Variants in PCDHGB6 observed in about 807,000 individuals in gnomAD.
PCDHGB6 encodes the protein protocadherin gamma subfamily B, 6, also known as protocadherin gamma-B6.
PCDHGB6 carries 51 observed loss-of-function variants against 59.1 expected under a neutral mutation model. The observed-to-expected ratio is 0.86, with a 90% CI of 0.69 to 1.09. The LOEUF is 1.09. Among genes scored for constraint, PCDHGB6 ranks in the 50% least tolerant of loss-of-function variants. The probability of loss-of-function intolerance (pLI) is 0.00; values close to 1 mark genes in which losing one functional copy is unlikely to be tolerated. For synonymous variants in PCDHGB6, 466 were observed against 495.1 expected (o/e 0.94, Z 0.78); for missense variants, 1,148 against 1,205.1 (o/e 0.95, Z 0.70).
In PCDHGB6 at chr5:141,490,453, T is replaced by C; in HGVS notation, c.2419-4354T>C. 6.2e-7 allele frequency: 1 copy of C among 1,614,178 alleles called. No homozygotes were observed. Among genetic ancestry groups the C allele is most frequent in the Non-Finnish European group, 8.5e-7 (1 of 1,180,042 alleles). ...GATTAAGCCTTCTGAGAACCACTAC[T>C]CGCTGCTAACCAGCCAGCCTTTGGA... On this transcript the variant is annotated intron_variant, in intron 1 of 3. Coordinates refer to ENST00000520790, the MANE Select transcript of PCDHGB6 (RefSeq NM_018926.3). This position sits in a 1 kb window ranked among gnomAD's most constrained non-coding sequence, Gnocchi z 5.4.
rs761667108 is a variant in PCDHGB6, at chr5:141,410,127, T to A, written c.1925T>A (p.Leu642Gln). 6 of 1,612,926 alleles carry A rather than the reference T, an allele frequency of 3.7e-6. No homozygotes were observed. Among genetic ancestry groups the A allele is most frequent in the Non-Finnish European group, 5.1e-6 (6 of 1,179,688 alleles). Residue 642 changes from leucine to glutamine, a missense_variant, in exon 1 of 4, where the codon CTG becomes CAG. By Grantham distance (113) the Leu-to-Gln change is moderately radical. This residue lies in a region of PCDHGB6 where 549 missense variants were observed against 527.5 expected (regional missense o/e 1.04). Coordinates refer to ENST00000520790, the MANE Select transcript of PCDHGB6 (RefSeq NM_018926.3). ...GACAGGGACGCAGCCCGCCAGCGCC[T>A]GCTGGTCGCTGTGCGTGACGGTGGA... ...LGDRDAARQR[L>Q]LVAVRDGGQP... is the part of the protein sequence containing the mutation.
intron 3 of PCDHGB6, among the ~76,000 whole-genome samples, chr5:141,508,841 C>A (rs969875150): frequency 6.6e-6 from 1 of 152,140 alleles, no homozygotes; most frequent in East Asian, 1.9e-4. Context: ...TCCCCTACCC[C>A]TTCCATTCCC....
chr5:141,490,417 C>A lies in PCDHGB6; in HGVS notation c.2419-4390C>A, dbSNP rs767996336. ...AGTGAGCCTTGATATCTCTCCGGAC[C>A]TGCCATTTCAGATTAAGCCTTCTGA... On this transcript the variant is annotated intron_variant, in intron 1 of 3. Transcript: ENST00000520790. The surrounding 1 kb of genome is among the most constrained non-coding windows in gnomAD (Gnocchi z 5.4). 4.3e-6 allele frequency: 7 copies of A among 1,614,196 alleles called. No homozygotes were observed. In the South Asian group the frequency reaches 7.7e-5, roughly 18 times the overall value.
rs1224625072 is a variant in PCDHGB6 at position 141,490,972 on chromosome 5, C to A, written c.2419-3835C>A. On this transcript the variant is annotated intron_variant, in intron 1 of 3. Transcript: ENST00000520790. The surrounding 1 kb of genome is among the most constrained non-coding windows in gnomAD (Gnocchi z 5.4). ...AGACTGGGAACACTCAGCCCCCCAG[C>A]GTCTCCCTCGCTCTGCTCCTCCTGG... is the stretch of plus-strand genomic sequence containing the variant. 2 of 1,613,912 alleles carry A rather than the reference C, an allele frequency of 1.2e-6. No individual in the cohort carries two copies. Among genetic ancestry groups the A allele is most frequent in the Non-Finnish European group, 1.7e-6 (2 of 1,179,922 alleles).
At chr5:141,419,419 C>T (rs767018815) in intron 1 of PCDHGB6, 1 of 1,613,266 alleles carries the variant, frequency 6.2e-7, no homozygotes, top group Non-Finnish European at 8.5e-7. Flanking sequence ...AGCGCGCCTT[C>T]GACCACGAGC....
At chr5:141,473,343 T>G (rs1309426537) in intron 1 of PCDHGB6, among the ~76,000 whole-genome samples, 1 of 152,218 alleles carries the variant, frequency 6.6e-6, no homozygotes, top group African/African-American at 2.4e-5. Context: ...TGCTAGACAG[T>G]GAGGATGCAA....
chr5:141,450,479 G>GTTTT (rs1165567597), intron 1 of PCDHGB6, among the ~76,000 whole-genome samples: 124 of 152,020 alleles, frequency 8.2e-4, no homozygotes, highest in African/African-American at 2.9e-3. Flanking sequence ...GAGTTTGTTT[G>GTTTT]TTTGTTTGTC....
At chr5:141,414,897 C>A (rs2095799678) in intron 1 of PCDHGB6, 7 of 1,614,230 alleles carry the variant, frequency 4.3e-6, no homozygotes, top group Non-Finnish European at 5.9e-6. Flanking sequence ...TCCCCACAGA[C>A]GGTTCCACAG....
chr5:141,481,096 T>C (rs1162625304), intron 1 of PCDHGB6, among the ~76,000 whole-genome samples: 2 of 152,150 alleles, frequency 1.3e-5, no homozygotes, highest in East Asian at 1.9e-4. Flanking sequence ...AAAGCAGTAC[T>C]CTGGAACCTA....
At chr5:141,478,117 C>T (rs1419172538) in intron 1 of PCDHGB6, 2 of 1,614,058 alleles carry the variant, frequency 1.2e-6, no homozygotes, top group East Asian at 4.5e-5. Flanking sequence ...TGTCAGTAAC[C>T]GAGGACTCTC....
intron 1 of PCDHGB6, chr5:141,420,292 T>C (rs761934978): frequency 2.7e-6 from 4 of 1,485,132 alleles, no homozygotes; most frequent in Middle Eastern, 1.8e-4. Context: ...TTTAAAAATG[T>C]ATTTAATCCT....
At position 141,431,423 on chromosome 5, in the gene PCDHGB6, C is replaced by T; in HGVS notation, c.2418+20803C>T. The T allele has an allele frequency of 3.1e-6, 5 of 1,613,670 alleles. No individual in the cohort carries two copies. Among genetic ancestry groups the T allele is most frequent in the Non-Finnish European group, 4.2e-6 (5 of 1,180,030 alleles). ...GGCCTCCGACGGGGGCGACCCGGTG[C>T]GCACAGGCACCGCGCGCATCCGCGT... On this transcript the variant is annotated intron_variant, in intron 1 of 3. Coordinates refer to ENST00000520790, the MANE Select transcript of PCDHGB6 (RefSeq NM_018926.3). This position sits in a 1 kb window ranked among gnomAD's most constrained non-coding sequence, Gnocchi z 4.8.
chr5:141,466,933 C>A (rs1305734739), intron 1 of PCDHGB6, among the ~76,000 whole-genome samples: 1 of 152,100 alleles, frequency 6.6e-6, no homozygotes, highest in Non-Finnish European at 1.5e-5. Context: ...GAATATTAGT[C>A]CTTTGTCCAG....
chr5:141,422,871 G>A (rs769543752), intron 1 of PCDHGB6: 1 of 1,614,216 alleles, frequency 6.2e-7, no homozygotes, highest in Admixed American at 1.7e-5. Context: ...GCAACGTGTC[G>A]CTGAGCCTGT....
chr5:141,413,441 T>C (rs760538286), intron 1 of PCDHGB6: 1 of 1,614,056 alleles, frequency 6.2e-7, no homozygotes, highest in Non-Finnish European at 8.5e-7. Flanking sequence ...GGCAGCTTGA[T>C]CACCGCGGGC....
In PCDHGB6 at chr5:141,487,102, G is replaced by C; in HGVS notation, c.2419-7705G>C. The C allele has an allele frequency of 6.2e-7, 1 of 1,613,900 alleles. No homozygotes were observed. Among genetic ancestry groups the C allele is most frequent in the Non-Finnish European group, 8.5e-7 (1 of 1,179,818 alleles). ...CAGCTGACCTCCCACCACAGAAGCTGGTCATTGTGGTAAAGGATAGTGGTA... is the reference window on the plus strand; with the variant it reads ...CAGCTGACCTCCCACCACAGAAGCTCGTCATTGTGGTAAAGGATAGTGGTA... On this transcript the variant is annotated intron_variant, in intron 1 of 3. Transcript: ENST00000520790. This position sits in a 1 kb window ranked among gnomAD's most constrained non-coding sequence, Gnocchi z 5.0.
At chr5:141,433,308 C>A in intron 1 of PCDHGB6, 2 of 915,352 alleles carry the variant, frequency 2.2e-6, no homozygotes, top group Non-Finnish European at 1.6e-6. Context: ...ATTATCCCAC[C>A]TTTGCCTCCG....
chr5:141,421,446 A>G, intron 1 of PCDHGB6: 1 of 1,614,106 alleles, frequency 6.2e-7, no homozygotes, highest in Non-Finnish European at 8.5e-7. Flanking sequence ...GAGGGAAGAC[A>G]CAGCTTTTCG....
chr5:141,482,967 AGCAGCTACTT>A (rs2099575323), intron 1 of PCDHGB6, among the ~76,000 whole-genome samples: 1 of 58,122 alleles, frequency 1.7e-5, no homozygotes, highest in African/African-American at 2.6e-4. Flanking sequence ...CAGCTACTTG[AGCAGCTACTT>A]GAGAGGTCGA....
Sources: gnomAD v4.1 joint callset for allele counts (sites outside exome capture counted in the v4.1 genomes callset) on GRCh38, gnomAD v4.1.1 for gene constraint, gnomAD v4.1.1 regional missense constraint, Gnocchi (gnomAD v3.1) non-coding constraint, MANE v1.5 for transcripts, NCBI Gene and HGNC (gene_info 2026-07-23, HGNC 2026-07-21) for gene names.